Variants in ST7L observed in about 807,000 individuals in gnomAD.
ST7L encodes suppression of tumorigenicity 7 like.
A neutral mutation model predicts 72.5 loss-of-function variants in ST7L; 57 were observed. The ratio of observed to expected loss-of-function variants is 0.79; its 90% CI spans 0.64 to 0.98. The LOEUF (loss-of-function observed/expected upper bound fraction) is 0.98. ST7L is among the 50% of genes least tolerant of loss of function. The probability of loss-of-function intolerance (pLI) is 0.00; values close to 1 mark genes in which losing one functional copy is unlikely to be tolerated. For missense variants in ST7L, 576 were observed against 672.2 expected (o/e 0.86, Z 1.58); for synonymous variants, 221 against 240.9 (o/e 0.92, Z 0.77).
At chr1:112,586,996 T>C (rs529314518) in intron 6 of ST7L, among the ~76,000 whole-genome samples, 5 of 152,216 alleles carry the variant, frequency 3.3e-5, no homozygotes, top group Admixed American at 3.3e-4. Flanking sequence ...TGTCCTCTGA[T>C]GCATAAAATA....
chr1:112,613,467 G>A (rs1478933799), intron 2 of ST7L, among the ~76,000 whole-genome samples: 1 of 152,058 alleles, frequency 6.6e-6, no homozygotes, highest in Non-Finnish European at 1.5e-5. Flanking sequence ...GCCTGACTTC[G>A]GAGCTTCCAA....
At chr1:112,585,482 C>T (rs573916919) in intron 6 of ST7L, among the ~76,000 whole-genome samples, 1 of 152,264 alleles carries the variant, frequency 6.6e-6, no homozygotes, top group East Asian at 1.9e-4. Context: ...GTGGCTCATG[C>T]CTGTAATCCC....
At chr1:112,546,487 G>C (rs1379564156) in intron 13 of ST7L, among the ~76,000 whole-genome samples, 3 of 152,064 alleles carry the variant, frequency 2.0e-5, no homozygotes, top group Admixed American at 1.3e-4. Flanking sequence ...AAAGATGTAA[G>C]AATGAAGTGG....
At chr1:112,571,238 T>C in intron 11 of ST7L, 1 of 442,692 alleles carries the variant, frequency 2.3e-6, no homozygotes, top group Non-Finnish European at 4.5e-6. Flanking sequence ...AAAGGGTCTA[T>C]CTACAAACAA....
intron 2 of ST7L, among the ~76,000 whole-genome samples, chr1:112,615,185 A>G (rs893443301): frequency 5.3e-5 from 8 of 152,036 alleles, no homozygotes; most frequent in African/African-American, 1.9e-4. Flanking sequence ...TTGAAGAGAC[A>G]GGGTTTTTCC....
At chr1:112,569,956 T>G (rs1571081704) in intron 11 of ST7L, among the ~76,000 whole-genome samples, 1 of 77,922 alleles carries the variant, frequency 1.3e-5, no homozygotes, top group Non-Finnish European at 2.5e-5. Flanking sequence ...AGATTCTGTC[T>G]CAAAAAAAAA....
chr1:112,539,067 C>T (rs1199976157), intron 14 of ST7L: 3 of 152,206 alleles, frequency 2.0e-5, no homozygotes, highest in Non-Finnish European at 1.5e-5. Flanking sequence ...TCCACCTTGA[C>T]AAGGCAGCAC....
At chr1:112,594,208 GAAA>G (rs11317306) in intron 5 of ST7L, among the ~76,000 whole-genome samples, 1 of 89,568 alleles carries the variant, frequency 1.1e-5, no homozygotes. Flanking sequence ...TTATTTTACA[GAAA>G]AAAAAAAAAA....
intron 11 of ST7L, among the ~76,000 whole-genome samples, chr1:112,561,714 A>G (rs1409742711): frequency 2.0e-5 from 3 of 152,032 alleles, no homozygotes; most frequent in African/African-American, 7.2e-5. Flanking sequence ...TACTGACCTC[A>G]GGTGATCTAT....
intron 14 of ST7L, 71 bp from the exon 15 acceptor site, chr1:112,526,182 T>A: frequency 6.3e-7 from 1 of 1,599,358 alleles, no homozygotes; most frequent in Non-Finnish European, 8.5e-7. Context: ...AGAGTATATC[T>A]GAGCACAGTT....
rs148884342 is a variant in ST7L, at chr1:112,580,619, T to C, written c.1069+1373A>G. Reference sequence around the variant, plus strand: ...CTTCATGTGTGGTAAACTGGTATTGTTATAACATAATAATAAAAATAACTG... The same window carrying C: ...CTTCATGTGTGGTAAACTGGTATTGCTATAACATAATAATAAAAATAACTG... On this transcript the variant is annotated intron_variant, in intron 9 of 14. Coordinates refer to ENST00000358039, the MANE Select transcript of ST7L (RefSeq NM_017744.5). 4.1e-3 allele frequency among the ~76,000 whole-genome samples: 620 copies of C among 152,254 alleles called. 3 individuals carry two copies. Among genetic ancestry groups the C allele is most frequent in the African/African-American group, 0.014 (598 of 41,538 alleles).
chr1:112,577,249 C>T (rs571173765), intron 10 of ST7L, among the ~76,000 whole-genome samples, 161 bp from the exon 11 acceptor site: 115 of 150,020 alleles, frequency 7.7e-4, no homozygotes, highest in African/African-American at 2.7e-3. Context: ...TTAAAGCTGG[C>T]CGGGCGCAGT....
intron 14 of ST7L, among the ~76,000 whole-genome samples, chr1:112,532,744 G>T (rs1475605707): frequency 1.3e-5 from 2 of 152,172 alleles, no homozygotes; most frequent in African/African-American, 4.8e-5. Context: ...CTACTGTCAA[G>T]ACAGACTTAA....
chr1:112,599,059 C>CAA (rs761424885), intron 4 of ST7L, among the ~76,000 whole-genome samples: 210 of 5,190 alleles, frequency 0.04, 36 homozygotes, highest in Non-Finnish European at 0.052. Flanking sequence ...GACTCAGCCT[C>CAA]AAAAAAAAAA....
At chr1:112,551,260 T>C (rs1351754628) in intron 12 of ST7L, among the ~76,000 whole-genome samples, 1 of 149,198 alleles carries the variant, frequency 6.7e-6, no homozygotes, top group Non-Finnish European at 1.5e-5. Flanking sequence ...GCCATTCTCC[T>C]GCCTCAGCCT....
chr1:112,601,985 G>C (rs879464188), intron 3 of ST7L, among the ~76,000 whole-genome samples: 1 of 151,200 alleles, frequency 6.6e-6, no homozygotes, highest in Non-Finnish European at 1.5e-5. Context: ...GGCTGAGAGT[G>C]AGACAGAAGA....
downstream of ST7L, chr1:112,522,082 G>A (rs1652914182): frequency 6.6e-6 from 1 of 151,982 alleles, no homozygotes; most frequent in Non-Finnish European, 1.5e-5. Context: ...CCAGGCTGGA[G>A]TGCACTGGCA....
intron 1 of ST7L, 181 bp downstream of exon 1, chr1:112,618,728 G>A (rs11102516): frequency 0.06 from 78,135 of 1,305,994 alleles, 6,071 homozygotes; most frequent in East Asian, 0.39. Context: ...AGCCGGTAAC[G>A]GCAGCAGGCT....
intron 1 of ST7L, chr1:112,617,171 A>C (rs1459469117): frequency 9.5e-6 from 2 of 209,770 alleles, no homozygotes; most frequent in Non-Finnish European, 1.9e-5. Context: ...GTCTGTAAGA[A>C]TAAAAAGATA....
Sources: allele counts gnomAD v4.1 joint callset (sites outside exome capture counted in the v4.1 genomes callset), GRCh38; gene constraint gnomAD v4.1.1; transcripts MANE v1.5; gene names NCBI Gene and HGNC (gene_info 2026-07-23, HGNC 2026-07-21).